The following TIMELESS variants were observed in gnomAD, a reference collection of about 807,000 sequenced individuals.
TIMELESS encodes protein timeless homolog.
A neutral mutation model predicts 164.3 loss-of-function variants in TIMELESS; 124 were observed. The observed-to-expected ratio is 0.75, with a 90% CI of 0.65 to 0.88. TIMELESS has a LOEUF of 0.88. Ranked by LOEUF, TIMELESS falls within the 40% of genes least tolerant of loss-of-function variation. TIMELESS has a pLI of 0.00. For missense variants in TIMELESS, 1,422 were observed against 1,491.4 expected, an observed-to-expected ratio of 0.95 and a Z score of 0.77; for synonymous variants, 564 against 563.4, an observed-to-expected ratio of 1.00 and a Z score of -0.02.
chr12:56,421,189 G>A, intron 23 of TIMELESS, 55 bp from the exon 24 acceptor site: 2 of 1,609,952 alleles, frequency 1.2e-6, no homozygotes, highest in Non-Finnish European at 1.7e-6. Context: ...AAGGAACTTA[G>A]TGGAGTCTCC....
At chr12:56,429,144 G>A (rs1442257084) in intron 10 of TIMELESS, 44 bp from the exon 11 acceptor site, 2 of 1,531,022 alleles carry the variant, frequency 1.3e-6, no homozygotes. Flanking sequence ...TGACTCCAGG[G>A]CTTCCAACTT....
intron 1 of TIMELESS, among the ~76,000 whole-genome samples, chr12:56,447,774 G>A (rs186895787): frequency 2.0e-5 from 3 of 152,124 alleles, no homozygotes; most frequent in Non-Finnish European, 4.4e-5. Context: ...GGACACACAG[G>A]AAGAAGTGAC....
At chr12:56,433,982 C>T (rs1881986067) in intron 2 of TIMELESS, 56 bp from the exon 3 acceptor site, 2 of 1,612,108 alleles carry the variant, frequency 1.2e-6, no homozygotes, top group African/African-American at 2.7e-5. Context: ...TCCATCCAGA[C>T]CCACATCTTT....
At chr12:56,440,401 T>C (rs888781640) in intron 1 of TIMELESS, among the ~76,000 whole-genome samples, 1 of 152,186 alleles carries the variant, frequency 6.6e-6, no homozygotes, top group Non-Finnish European at 1.5e-5. Context: ...CCTCCCAAAG[T>C]GCTGGGATAC....
chr12:56,429,985 C>T (rs892810634), intron 10 of TIMELESS, 120 bp downstream of exon 10: 6 of 911,906 alleles, frequency 6.6e-6, no homozygotes, highest in South Asian at 5.5e-5. Context: ...TTCCCACCTA[C>T]GAGTCCACAT....
chr12:56,428,006 A>C (rs1175537937), intron 13 of TIMELESS, among the ~76,000 whole-genome samples: 1 of 152,260 alleles, frequency 6.6e-6, no homozygotes, highest in Non-Finnish European at 1.5e-5. Flanking sequence ...TAGGTGTTCA[A>C]TAAATGTTTC....
rs912665725 is a variant in TIMELESS at position 56,421,217 on chromosome 12, A to AT, written c.2869-84_2869-83insA. 20 of 1,589,500 alleles carry AT rather than the reference A, an allele frequency of 1.3e-5. No homozygotes were observed. In the Admixed American group the frequency reaches 1.7e-4, roughly 14 times the overall value. ...GAGTCTCCTCGTTCCTGACCACCGCACCCCCCCGCGCCTGCTCTCTCGGAA... is the reference window on the plus strand; with the variant it reads ...GAGTCTCCTCGTTCCTGACCACCGCATCCCCCCCGCGCCTGCTCTCTCGGAA... On this transcript the variant is annotated intron_variant, in intron 23 of 28. Coordinates refer to ENST00000553532, the MANE Select transcript of TIMELESS (RefSeq NM_003920.5).
chr12:56,446,462 T>G (rs940469308), intron 1 of TIMELESS, among the ~76,000 whole-genome samples: 1 of 152,042 alleles, frequency 6.6e-6, no homozygotes, highest in African/African-American at 2.4e-5. Context: ...CTCTCCTGTT[T>G]ACCTCTCACG....
intron 15 of TIMELESS, among the ~76,000 whole-genome samples, chr12:56,424,158 T>G (rs1881596894): frequency 6.6e-6 from 1 of 152,238 alleles, no homozygotes; most frequent in African/African-American, 2.4e-5. Context: ...AATGGTGTTT[T>G]AAAGCCATTA....
intron 1 of TIMELESS, among the ~76,000 whole-genome samples, chr12:56,434,830 T>C (rs961862920): frequency 6.6e-6 from 1 of 152,048 alleles, no homozygotes; most frequent in Non-Finnish European, 1.5e-5. Flanking sequence ...GACATGATGA[T>C]CATTTGCCCC....
chr12:56,421,153 T>C lies in TIMELESS; in HGVS notation c.2869-19A>G. 6.2e-7 allele frequency: 1 copy of C among 1,613,374 alleles called. No homozygotes were observed. Among genetic ancestry groups the C allele is most frequent in the Non-Finnish European group, 8.5e-7 (1 of 1,179,884 alleles). ...CATTTGGCTAAAATTCATTGGGGGT[T>C]GGGGGAATGAAAATGAAGGCAACAC... is the stretch of plus-strand genomic sequence containing the variant. On this transcript the variant is annotated intron_variant, in intron 23 of 28. Coordinates refer to ENST00000553532, the MANE Select transcript of TIMELESS (RefSeq NM_003920.5).
rs182662409 is a variant in TIMELESS at position 56,419,150 on chromosome 12, C to A, written c.3229-791G>T. On this transcript the variant is annotated intron_variant, in intron 26 of 28. Transcript: ENST00000553532. The stretch of plus-strand genomic sequence containing the variant: ...GGGACTACAGGTGCCTACCACCACA[C>A]CGGGCTAATTTTTGTATTTTTAGTA... Among the ~76,000 whole-genome samples the A allele has an allele frequency of 3.6e-3, 542 of 152,132 alleles. 6 individuals carry two copies. Among genetic ancestry groups the A allele is most frequent in the African/African-American group, 0.012 (512 of 41,492 alleles).
At chr12:56,439,104 A>G (rs1358168003) in intron 1 of TIMELESS, among the ~76,000 whole-genome samples, 2 of 132,510 alleles carry the variant, frequency 1.5e-5, no homozygotes, top group African/African-American at 5.5e-5. Context: ...AGGTGGAGGT[A>G]GCAGTGAGCC....
chr12:56,430,027 C>A, intron 10 of TIMELESS, 78 bp downstream of exon 10: 1 of 1,471,360 alleles, frequency 6.8e-7, no homozygotes, highest in Non-Finnish European at 9.1e-7. Context: ...CTCCTCCCCA[C>A]TTCTTACCCA....
Position 56,433,296 on chromosome 12 carries a change from G to A in TIMELESS, c.429+85C>T, listed in dbSNP as rs1881956382. Reference sequence around the variant, plus strand: ...GGACTACCACATCCCCAAGGACTGGGACCATATCTCAGCATCTCCTCCTCT... The same window carrying A: ...GGACTACCACATCCCCAAGGACTGGAACCATATCTCAGCATCTCCTCCTCT... On this transcript the variant is annotated intron_variant, in intron 5 of 28. Transcript: ENST00000553532. The A allele has an allele frequency of 6.0e-6, 9 of 1,500,322 alleles. No homozygotes were observed. In the East Asian group the frequency reaches 1.1e-4, roughly 19 times the overall value. 92.9% of individuals were successfully genotyped at this position (1,500,322 alleles called of 1,614,324 possible).
chr12:56,448,788 A>G (rs1324452976), intron 1 of TIMELESS, among the ~76,000 whole-genome samples: 1 of 152,216 alleles, frequency 6.6e-6, no homozygotes, highest in Non-Finnish European at 1.5e-5. Flanking sequence ...ATGGCAAAGA[A>G]TTGAGAGGCT....
intron 1 of TIMELESS, among the ~76,000 whole-genome samples, chr12:56,443,831 C>A (rs938067122): frequency 6.6e-6 from 1 of 151,462 alleles, no homozygotes; most frequent in Non-Finnish European, 1.5e-5. Flanking sequence ...CTGGTTCCCC[C>A]GATAACATGT....
intron 11 of TIMELESS, 22 bp downstream of exon 11, chr12:56,428,861 C>T: frequency 5.6e-6 from 9 of 1,610,468 alleles, no homozygotes; most frequent in Non-Finnish European, 7.6e-6. Context: ...CTCACTGTAT[C>T]TCCAGTAACC....
In TIMELESS at chr12:56,431,455, CCTCT is replaced by C. The variant is rs562789863; in HGVS notation, c.821+12_821+15del. The C allele has an allele frequency of 7.5e-4, 1,195 of 1,599,662 alleles. 6 individuals are homozygous for C. The African/African-American group carries it at 0.011, about 15-fold the overall frequency. ...TCCATGATGTAGGAAAAAGAACCTG[CCTCT>C]CTGTCACTCACCTGTTGCCTCGCTG... On this transcript the variant is annotated intron_variant, in intron 8 of 28. Transcript: ENST00000553532.
Sources: allele counts gnomAD v4.1 joint callset (sites outside exome capture counted in the v4.1 genomes callset), GRCh38; gene constraint gnomAD v4.1.1; transcripts MANE v1.5; gene names NCBI Gene and HGNC (gene_info 2026-07-23, HGNC 2026-07-21).